ATP2B1: variants seen among roughly 807,000 people sequenced by gnomAD.
ATP2B1 encodes the protein plasma membrane calcium-transporting ATPase 1.
Under a neutral mutation model 124.2 loss-of-function variants are expected in ATP2B1, and 14 were observed. The ratio of observed to expected loss-of-function variants is 0.11; its 90% CI spans 0.07 to 0.18. The LOEUF (loss-of-function observed/expected upper bound fraction) is 0.18. Ranked by LOEUF, ATP2B1 falls within the 10% of genes least tolerant of loss-of-function variation. The pLI is 1.00. For missense variants in ATP2B1, 763 were observed against 1,466.1 expected, an observed-to-expected ratio of 0.52 and a Z score of 7.83; for synonymous variants, 449 against 492.4, an observed-to-expected ratio of 0.91 and a Z score of 1.17.
intron 1 of ATP2B1, among the ~76,000 whole-genome samples, chr12:89,696,488 T>C (rs1419616903): frequency 8.0e-6 from 1 of 124,634 alleles, no homozygotes; most frequent in Admixed American, 9.0e-5. Flanking sequence ...TGAAAAAATT[T>C]AATGACATGA....
intron 2 of ATP2B1, among the ~76,000 whole-genome samples, chr12:89,646,643 T>TA (rs1272724783): frequency 6.6e-6 from 1 of 152,124 alleles, no homozygotes; most frequent in East Asian, 1.9e-4. Context: ...TTTCACTAGA[T>TA]AGAGGCTGAT....
intron 1 of ATP2B1, among the ~76,000 whole-genome samples, chr12:89,672,211 T>G (rs527434449): frequency 1.3e-5 from 2 of 152,302 alleles, no homozygotes; most frequent in South Asian, 4.1e-4. Flanking sequence ...TCCCAGCACT[T>G]TGGGAGGCTG....
intron 2 of ATP2B1, among the ~76,000 whole-genome samples, chr12:89,646,593 T>C (rs1884482328): frequency 6.6e-6 from 1 of 152,118 alleles, no homozygotes; most frequent in South Asian, 2.1e-4. Context: ...ACAAATGATG[T>C]TAAAAGGATG....
chr12:89,626,731 T>A lies in ATP2B1; in HGVS notation c.968-116A>T, dbSNP rs926780830. ...CAGAAACCAGTAAAGGTATAAGCAT[T>A]CAGCTTTGTGAGTGTGTGTGTGTGT... On this transcript the variant is annotated intron_variant, in intron 7 of 20. Transcript: ENST00000428670. 5 of 1,231,862 alleles carry A rather than the reference T, an allele frequency of 4.1e-6. No individual in the cohort carries two copies. In the Admixed American group the frequency reaches 1.2e-4, roughly 30 times the overall value. The allele number at this position is 1,231,862 out of a possible 1,614,324, so 76.3% of individuals were successfully genotyped here.
chr12:89,646,940 G>A (rs1719320888), intron 2 of ATP2B1, among the ~76,000 whole-genome samples: 1 of 152,156 alleles, frequency 6.6e-6, no homozygotes, highest in Non-Finnish European at 1.5e-5. Flanking sequence ...TAATACCACA[G>A]GTAAGCCTTC....
Position 89,630,659 on chromosome 12 carries a change from C to T in ATP2B1, c.788-14G>A. On this transcript the variant is annotated splice_polypyrimidine_tract_variant and intron_variant, in intron 5 of 20. Coordinates refer to ENST00000428670, the MANE Select transcript of ATP2B1 (RefSeq NM_001366521.1). Reference sequence around the variant, plus strand: ...TTACATGAGTACCTATAACCAAAAACATAGTTTGTTTTTAAAAATACTGAT... The same window carrying T: ...TTACATGAGTACCTATAACCAAAAATATAGTTTGTTTTTAAAAATACTGAT... 6.9e-7 allele frequency: 1 copy of T among 1,442,152 alleles called. No individual in the cohort carries two copies. Among genetic ancestry groups the T allele is most frequent in the Non-Finnish European group, 9.1e-7 (1 of 1,092,996 alleles). The allele number at this position is 1,442,152 out of a possible 1,614,324, so 89.3% of individuals were successfully genotyped here. A position where few individuals can be genotyped will look rare whatever the true frequency, so the allele number is the denominator to read the frequency against.
At chr12:89,596,317 C>T (rs1874604995) in intron 20 of ATP2B1, among the ~76,000 whole-genome samples, 1 of 151,926 alleles carries the variant, frequency 6.6e-6, no homozygotes, top group Admixed American at 6.6e-5. Flanking sequence ...GAATGTAGAA[C>T]CCTTCATAAG....
At chr12:89,663,182 G>T (rs182294176) in intron 1 of ATP2B1, among the ~76,000 whole-genome samples, 1 of 152,312 alleles carries the variant, frequency 6.6e-6, no homozygotes, top group Admixed American at 6.5e-5. Flanking sequence ...CTGTTTAAAA[G>T]AATATGTTAG....
chr12:89,645,587 G>A (rs1342595001), intron 2 of ATP2B1, among the ~76,000 whole-genome samples: 1 of 152,174 alleles, frequency 6.6e-6, no homozygotes, highest in Non-Finnish European at 1.5e-5. Flanking sequence ...GAACTTCCAG[G>A]GGTCAAGGGT....
chr12:89,628,994 A>G (rs951288007), intron 6 of ATP2B1, among the ~76,000 whole-genome samples: 3 of 152,164 alleles, frequency 2.0e-5, no homozygotes, highest in African/African-American at 7.2e-5. Context: ...TCTTTAAAAA[A>G]AAAACAACAA....
At chr12:89,688,013 C>G (rs1052236853) in intron 1 of ATP2B1, among the ~76,000 whole-genome samples, 1 of 152,008 alleles carries the variant, frequency 6.6e-6, no homozygotes, top group African/African-American at 2.4e-5. Flanking sequence ...TAAGAACACT[C>G]TCCTCCAGGT....
chr12:89,681,747 T>C (rs1889377891), intron 1 of ATP2B1, among the ~76,000 whole-genome samples: 1 of 152,162 alleles, frequency 6.6e-6, no homozygotes, highest in African/African-American at 2.4e-5. Context: ...TTAGAAAATC[T>C]GGTAAACAGA....
chr12:89,631,947 A>G (rs972114061), intron 5 of ATP2B1, among the ~76,000 whole-genome samples: 2 of 151,998 alleles, frequency 1.3e-5, no homozygotes, highest in African/African-American at 4.8e-5. Flanking sequence ...TTATACAACT[A>G]TTAAATGTCA....
At chr12:89,628,542 G>A (rs1022543397) in intron 6 of ATP2B1, among the ~76,000 whole-genome samples, 4 of 152,116 alleles carry the variant, frequency 2.6e-5, no homozygotes, top group African/African-American at 9.7e-5. Flanking sequence ...GAATAAGCCA[G>A]TAAGACTACC....
chr12:89,645,261 A>C (rs1368677841), intron 2 of ATP2B1, among the ~76,000 whole-genome samples: 2 of 152,236 alleles, frequency 1.3e-5, no homozygotes, highest in African/African-American at 4.8e-5. Context: ...TATAGTTATT[A>C]ATTCAATTTT....
chr12:89,698,727 T>C (rs1358839651), intron 1 of ATP2B1, among the ~76,000 whole-genome samples: 1 of 152,200 alleles, frequency 6.6e-6, no homozygotes, highest in Admixed American at 6.5e-5. Flanking sequence ...TAGGGTGAGC[T>C]GACTGGGACA....
intron 1 of ATP2B1, among the ~76,000 whole-genome samples, chr12:89,686,394 T>C (rs567124312): frequency 6.6e-6 from 1 of 152,170 alleles, no homozygotes; most frequent in African/African-American, 2.4e-5. Flanking sequence ...TTTCCTCTCT[T>C]CTCCCCTACT....
chr12:89,633,286 CTTTT>C (rs1419915405), intron 5 of ATP2B1, among the ~76,000 whole-genome samples: 1 of 151,554 alleles, frequency 6.6e-6, no homozygotes, highest in Non-Finnish European at 1.5e-5. Context: ...TGTGAATGTT[CTTTT>C]TTCTTTTTTT....
intron 5 of ATP2B1, among the ~76,000 whole-genome samples, chr12:89,632,627 A>C (rs1457209534): frequency 1.3e-5 from 2 of 152,200 alleles, no homozygotes; most frequent in Non-Finnish European, 2.9e-5. Context: ...CCCACCACTA[A>C]CTGAATACTG....
Sources: gnomAD v4.1 joint callset for allele counts (sites outside exome capture counted in the v4.1 genomes callset) on GRCh38, gnomAD v4.1.1 for gene constraint, MANE v1.5 for transcripts, NCBI Gene and HGNC (gene_info 2026-07-23, HGNC 2026-07-21) for gene names.